INTS9: variants seen among roughly 807,000 people sequenced by gnomAD.
INTS9 encodes integrator complex subunit 9.
In INTS9, 55 loss-of-function variants were observed where a neutral mutation model predicts 79.7. The ratio of observed to expected loss-of-function variants is 0.69; its 90% CI spans 0.56 to 0.86. INTS9 has a LOEUF of 0.86. Among genes scored for constraint, INTS9 ranks in the 40% least tolerant of loss-of-function variants. The probability of loss-of-function intolerance (pLI) is 0.00; values close to 1 mark genes in which losing one functional copy is unlikely to be tolerated. For missense variants in INTS9, 721 were observed against 831.5 expected (o/e 0.87, Z 1.64); for synonymous variants, 319 against 325.2 (o/e 0.98, Z 0.20).
intron 2 of INTS9, among the ~76,000 whole-genome samples, chr8:28,852,758 T>G (rs1403724449): frequency 6.6e-6 from 1 of 152,248 alleles, no homozygotes; most frequent in African/African-American, 2.4e-5. Flanking sequence ...TTTGAGGTGT[T>G]GTGGTTTAAA....
chr8:28,825,272 G>C (rs890861629), intron 6 of INTS9, among the ~76,000 whole-genome samples: 10 of 152,210 alleles, frequency 6.6e-5, no homozygotes, highest in Non-Finnish European at 1.5e-4. Context: ...TGTCATGGGA[G>C]TGGCTAGAGA....
intron 6 of INTS9, among the ~76,000 whole-genome samples, chr8:28,827,403 A>G (rs1034021186): frequency 6.6e-6 from 1 of 152,232 alleles, no homozygotes; most frequent in African/African-American, 2.4e-5. Context: ...ACCACTTGGA[A>G]GGTGGTAAGT....
intron 1 of INTS9, among the ~76,000 whole-genome samples, chr8:28,871,652 C>T (rs1189179036): frequency 1.3e-5 from 2 of 152,136 alleles, no homozygotes; most frequent in East Asian, 3.8e-4. Flanking sequence ...GCAATCCGCT[C>T]ACCTCGGCCT....
intron 6 of INTS9, among the ~76,000 whole-genome samples, chr8:28,824,015 T>G (rs1030834132): frequency 6.6e-6 from 1 of 152,230 alleles, no homozygotes; most frequent in Admixed American, 6.5e-5. Context: ...TAGGTACACA[T>G]AGTGAACTGC....
chr8:28,829,714 C>T (rs1490049989), intron 6 of INTS9, among the ~76,000 whole-genome samples: 1 of 152,162 alleles, frequency 6.6e-6, no homozygotes, highest in Non-Finnish European at 1.5e-5. Flanking sequence ...AATCGAATAC[C>T]TCTCAAAGTA....
chr8:28,859,700 G>T, intron 1 of INTS9, 137 bp from the exon 2 acceptor site: 4 of 910,466 alleles, frequency 4.4e-6, no homozygotes, highest in Non-Finnish European at 7.0e-6. Flanking sequence ...TGTGGTTTCC[G>T]CCCTTTTACT....
At chr8:28,838,190 C>T (rs1005514922) in intron 4 of INTS9, among the ~76,000 whole-genome samples, 3 of 151,874 alleles carry the variant, frequency 2.0e-5, no homozygotes, top group East Asian at 1.9e-4. Flanking sequence ...GCAACGGGGA[C>T]GCAGCACACA....
At chr8:28,877,973 A>G (rs1295600420) in intron 1 of INTS9, among the ~76,000 whole-genome samples, 2 of 152,194 alleles carry the variant, frequency 1.3e-5, no homozygotes, top group South Asian at 2.1e-4. Context: ...AAAATATCTC[A>G]TTGTTCAGAA....
chr8:28,847,178 C>T (rs997547561), intron 3 of INTS9, among the ~76,000 whole-genome samples: 1 of 152,136 alleles, frequency 6.6e-6, no homozygotes, highest in African/African-American at 2.4e-5. Flanking sequence ...ATAAAAGATC[C>T]CTGGCCCTAT....
At chr8:28,852,484 T>A (rs1322435234) in intron 2 of INTS9, among the ~76,000 whole-genome samples, 1 of 152,152 alleles carries the variant, frequency 6.6e-6, no homozygotes, top group Non-Finnish European at 1.5e-5. Flanking sequence ...TCAGATCAGA[T>A]TAAGAAAGCA....
intron 16 of INTS9, among the ~76,000 whole-genome samples, chr8:28,768,901 C>T (rs241178): frequency 0.24 from 36,722 of 152,184 alleles, 4,682 homozygotes; most frequent in East Asian, 0.51. Flanking sequence ...TGGCTGCAGG[C>T]TCCCCTAGGG....
At chr8:28,882,475 G>A (rs28573171) in intron 1 of INTS9, among the ~76,000 whole-genome samples, 2,913 of 64,706 alleles carry the variant, frequency 0.045, 161 homozygotes, top group African/African-American at 0.16. Context: ...AAAAAAAATA[G>A]AAATAAAATA....
intron 9 of INTS9, among the ~76,000 whole-genome samples, chr8:28,795,182 C>A (rs1804136470): frequency 1.3e-5 from 2 of 152,134 alleles, no homozygotes; most frequent in South Asian, 4.1e-4. Flanking sequence ...CTCATTAATA[C>A]CTCTTTGGTA....
At chr8:28,847,436 A>T (rs1216988939) in intron 3 of INTS9, among the ~76,000 whole-genome samples, 2 of 151,992 alleles carry the variant, frequency 1.3e-5, no homozygotes. Context: ...CTCCACTACC[A>T]CGACTACCAC....
intron 4 of INTS9, among the ~76,000 whole-genome samples, chr8:28,845,527 G>A (rs1807456269): frequency 6.6e-6 from 1 of 152,170 alleles, no homozygotes; most frequent in African/African-American, 2.4e-5. Flanking sequence ...GTACCCTATA[G>A]AGCAAGTCAG....
At chr8:28,814,282 TCTCACACACA>T (rs1367045287) in intron 6 of INTS9, among the ~76,000 whole-genome samples, 23 of 88,084 alleles carry the variant, frequency 2.6e-4, no homozygotes, top group African/African-American at 9.5e-4. Context: ...GAACAGGGCT[TCTCACACACA>T]CACACACACA....
At chr8:28,880,900 G>A (rs1453548505) in intron 1 of INTS9, among the ~76,000 whole-genome samples, 2 of 142,856 alleles carry the variant, frequency 1.4e-5, no homozygotes, top group Non-Finnish European at 3.1e-5. Context: ...GAGCACCTCT[G>A]CCCCACCGCC....
At chr8:28,769,458 CAG>C (rs1563235101) in intron 16 of INTS9, 2 of 155,480 alleles carry the variant, frequency 1.3e-5, no homozygotes, top group African/African-American at 2.4e-5. Context: ...GCTGCTGAGA[CAG>C]AGGGGAAGGG....
chr8:28,783,998 G>A (rs758699469), intron 11 of INTS9: 3 of 152,278 alleles, frequency 2.0e-5, no homozygotes, highest in East Asian at 1.9e-4. Flanking sequence ...TAAATTCATC[G>A]TTTTTTGCCA....
Sources: allele counts gnomAD v4.1 joint callset (sites outside exome capture counted in the v4.1 genomes callset), GRCh38; gene constraint gnomAD v4.1.1; transcripts MANE v1.5; gene names NCBI Gene and HGNC (gene_info 2026-07-23, HGNC 2026-07-21).